Variants in CLTB observed in about 807,000 individuals in gnomAD.
CLTB encodes clathrin light chain B.
CLTB carries 10 observed loss-of-function variants against 30.5 expected under a neutral mutation model. That is an observed-to-expected ratio of 0.33 (90% CI 0.20 to 0.56). The LOEUF is 0.56. Ranked by LOEUF, CLTB falls within the 20% of genes least tolerant of loss-of-function variation. CLTB has a pLI of 0.91. For missense variants in CLTB, 261 were observed against 308.3 expected (o/e 0.85, Z 1.15); for synonymous variants, 102 against 120.3 (o/e 0.85, Z 1.00).
At position 176,394,845 on chromosome 5, in the gene CLTB, T is replaced by C. The variant is rs558798702; in HGVS notation, c.518+1634A>G. Among the ~76,000 whole-genome samples, 3 of 150,672 alleles carry C rather than the reference T, an allele frequency of 2.0e-5. No individual in the cohort carries two copies. The South Asian group carries it at 6.3e-4, about 32-fold the overall frequency. On this transcript the variant is annotated intron_variant, in intron 5 of 5. Coordinates refer to ENST00000310418, the MANE Select transcript of CLTB (RefSeq NM_007097.5). ...AAAAAAAAAGTTTGAGAAGCCCTGG[T>C]CTATACTCTCTCTTCAGGGCTCTCC...
At chr5:176,403,220 T>C (rs936374326) in intron 2 of CLTB, among the ~76,000 whole-genome samples, 2 of 151,986 alleles carry the variant, frequency 1.3e-5, no homozygotes, top group African/African-American at 4.8e-5. Context: ...TGGCTACTTT[T>C]TTTATTTTTA....
chr5:176,400,882 C>G (rs80335911), intron 2 of CLTB, among the ~76,000 whole-genome samples: 2 of 152,176 alleles, frequency 1.3e-5, no homozygotes, highest in Non-Finnish European at 2.9e-5. Context: ...AGCAGGCACC[C>G]GGTTCAAGGA....
At chr5:176,414,783 T>C (rs116036363) in intron 1 of CLTB, among the ~76,000 whole-genome samples, 299 of 152,316 alleles carry the variant, frequency 2.0e-3, no homozygotes, top group African/African-American at 6.8e-3. Flanking sequence ...GTTTCTTGCA[T>C]GTTACAAAAG....
In CLTB at chr5:176,406,571, G is replaced by C. The variant is rs1419705944; in HGVS notation, c.234+3686C>G. 2.3e-6 allele frequency: 3 copies of C among 1,288,844 alleles called. No homozygotes were observed. In the South Asian group the frequency reaches 3.7e-5, roughly 16 times the overall value. The allele number at this position is 1,288,844 out of a possible 1,614,324, so 79.8% of individuals were successfully genotyped here. ...AAGGAGAGAGGATCTGTGCAGAGGT[G>C]GGGAGGCGGAGTCCTGCAGGGCCCT... On this transcript the variant is annotated intron_variant, in intron 2 of 5. Coordinates refer to ENST00000310418, the MANE Select transcript of CLTB (RefSeq NM_007097.5).
chr5:176,404,336 T>C (rs547749237), intron 2 of CLTB, among the ~76,000 whole-genome samples: 1 of 152,302 alleles, frequency 6.6e-6, no homozygotes, highest in East Asian at 1.9e-4. Context: ...CACCCTCAGC[T>C]CGCCTAGGGG....
chr5:176,409,070 G>A (rs1406507324), intron 2 of CLTB, among the ~76,000 whole-genome samples: 3 of 151,972 alleles, frequency 2.0e-5, no homozygotes, highest in Admixed American at 6.6e-5. Context: ...TCCCACTCCC[G>A]GATTCAAGCT....
At chr5:176,400,970 A>G (rs913319479) in intron 2 of CLTB, among the ~76,000 whole-genome samples, 3 of 152,152 alleles carry the variant, frequency 2.0e-5, no homozygotes, top group African/African-American at 7.2e-5. Flanking sequence ...AGGGAAGGGC[A>G]GGCCAGGGCA....
In CLTB at chr5:176,396,616, G is replaced by A. The variant is rs1756536683; in HGVS notation, c.465-84C>T. 5.2e-6 allele frequency: 5 copies of A among 958,748 alleles called. No homozygotes were observed. In the Admixed American group the frequency reaches 5.7e-5, roughly 11 times the overall value. The allele number at this position is 958,748 out of a possible 1,614,324, so 59.4% of individuals were successfully genotyped here. A position where few individuals can be genotyped will look rare whatever the true frequency, so the allele number is the denominator to read the frequency against. Reference sequence around the variant, plus strand: ...AGGCAGGCAGAAGGTTAGAGAGAGAGAGAGAGACAGCATTAGTACCTCCAG... The same window carrying A: ...AGGCAGGCAGAAGGTTAGAGAGAGAAAGAGAGACAGCATTAGTACCTCCAG... On this transcript the variant is annotated intron_variant, in intron 4 of 5. Transcript: ENST00000310418.
intron 4 of CLTB, among the ~76,000 whole-genome samples, 189 bp downstream of exon 4, chr5:176,397,418 G>A (rs977347743): frequency 2.8e-4 from 31 of 111,984 alleles, no homozygotes; most frequent in Non-Finnish European, 3.6e-5. Flanking sequence ...CCCCTCTCAT[G>A]TCCCCACAGC....
chr5:176,395,631 A>G (rs1756484143), intron 5 of CLTB, among the ~76,000 whole-genome samples: 1 of 152,108 alleles, frequency 6.6e-6, no homozygotes, highest in African/African-American at 2.4e-5. Context: ...ACGAGATATA[A>G]CCTGTTTGCC....
intron 4 of CLTB, among the ~76,000 whole-genome samples, chr5:176,396,977 T>A (rs1756555109): frequency 6.6e-6 from 1 of 152,074 alleles, no homozygotes. Context: ...TTCCTCCTAG[T>A]CATCTTCCAA....
At chr5:176,399,832 C>T (rs1051331442) in intron 2 of CLTB, among the ~76,000 whole-genome samples, 10 of 150,372 alleles carry the variant, frequency 6.7e-5, no homozygotes, top group Non-Finnish European at 1.3e-4. Flanking sequence ...GAGCAGAGAT[C>T]GTGCCACTGC....
At chr5:176,408,989 T>C (rs1007868576) in intron 2 of CLTB, among the ~76,000 whole-genome samples, 2 of 152,198 alleles carry the variant, frequency 1.3e-5, no homozygotes, top group African/African-American at 4.8e-5. Flanking sequence ...TAGTTTTATT[T>C]TTTTGAGATA....
chr5:176,395,253 AAGGTCTTGCATCTCT>A (rs1168939081), intron 5 of CLTB, among the ~76,000 whole-genome samples: 1 of 152,116 alleles, frequency 6.6e-6, no homozygotes, highest in African/African-American at 2.4e-5. Context: ...AGGTCAGCTG[AAGGTCTTGCATCTCT>A]GAAGCCTGCC....
In CLTB at chr5:176,393,077, A is replaced by G; in HGVS notation, c.519-132T>C. On this transcript the variant is annotated intron_variant, in intron 5 of 5. Transcript: ENST00000310418. The surrounding 1 kb of genome is among the most constrained non-coding windows in gnomAD (Gnocchi z 4.4). ...CAGCCTTGTGCCCCCCTGACTTCAG[A>G]GGAGGGCAGCCTTGGCGCAGGAGGA... 1.0e-6 allele frequency: 1 copy of G among 1,003,212 alleles called. No individual in the cohort carries two copies. The highest frequency in any genetic ancestry group is 1.5e-6 in the Non-Finnish European group (1 of 659,202). 62.1% of individuals were successfully genotyped at this position (1,003,212 alleles called of 1,614,324 possible).
chr5:176,399,987 T>C (rs1756734373), intron 2 of CLTB, among the ~76,000 whole-genome samples: 1 of 151,244 alleles, frequency 6.6e-6, no homozygotes, highest in Admixed American at 6.6e-5. Context: ...AGGTCAGGAG[T>C]TCGAGACCAG....
intron 5 of CLTB, among the ~76,000 whole-genome samples, chr5:176,394,185 G>T (rs1434250143): frequency 6.6e-6 from 1 of 152,236 alleles, no homozygotes; most frequent in Non-Finnish European, 1.5e-5. Context: ...GTGGGGATGA[G>T]GGGAGCTATC....
In CLTB at chr5:176,393,519, C is replaced by T. The variant is rs905627021; in HGVS notation, c.519-574G>A. Among the ~76,000 whole-genome samples, 2 of 152,220 alleles carry T rather than the reference C, an allele frequency of 1.3e-5. No homozygotes were observed. Among genetic ancestry groups the T allele is most frequent in the East Asian group, 1.9e-4 (1 of 5,200 alleles). On this transcript the variant is annotated intron_variant, in intron 5 of 5. Coordinates refer to ENST00000310418, the MANE Select transcript of CLTB (RefSeq NM_007097.5). The surrounding 1 kb of genome is among the most constrained non-coding windows in gnomAD (Gnocchi z 4.4). ...GCTAAAGAGGATCTTTACAGCAAGA[C>T]TTTCAAAGCCTTTCATGTGCTGTGT...
At chr5:176,404,802 C>T (rs1225796673) in intron 2 of CLTB, among the ~76,000 whole-genome samples, 1 of 152,190 alleles carries the variant, frequency 6.6e-6, no homozygotes, top group Non-Finnish European at 1.5e-5. Flanking sequence ...AGTGACCGAC[C>T]CTCTGTGGCT....
Sources: gnomAD v4.1 joint callset for allele counts (sites outside exome capture counted in the v4.1 genomes callset) on GRCh38, gnomAD v4.1.1 for gene constraint, Gnocchi (gnomAD v3.1) non-coding constraint, MANE v1.5 for transcripts, NCBI Gene and HGNC (gene_info 2026-07-23, HGNC 2026-07-21) for gene names.